The following DENND2B variants were observed in gnomAD, a reference collection of about 807,000 sequenced individuals.
DENND2B encodes DENN domain-containing protein 2B.
DENND2B carries 32 observed loss-of-function variants against 116.0 expected under a neutral mutation model. The ratio of observed to expected loss-of-function variants is 0.28; its 90% CI spans 0.21 to 0.37. The LOEUF (loss-of-function observed/expected upper bound fraction) is 0.37. Among genes scored for constraint, DENND2B ranks in the 10% least tolerant of loss-of-function variants. The pLI, the probability that DENND2B is intolerant of heterozygous loss-of-function variation, is 1.00. For missense variants in DENND2B, 1,276 were observed against 1,477.7 expected (o/e 0.86, Z 2.24); for synonymous variants, 588 against 583.9 (o/e 1.01, Z -0.10).
intron 4 of DENND2B, among the ~76,000 whole-genome samples, chr11:8,819,571 C>T (rs1378549327): frequency 6.6e-6 from 1 of 152,198 alleles, no homozygotes; most frequent in African/African-American, 2.4e-5. Flanking sequence ...CATAATGACA[C>T]CACGTACCCC....
At chr11:8,718,039 C>A in intron 4 of DENND2B, 147 bp from the exon 5 acceptor site, 2 of 815,628 alleles carry the variant, frequency 2.5e-6, no homozygotes, top group South Asian at 1.8e-5. Flanking sequence ...ATGCAGCTGC[C>A]CGTCTGCAGT....
In DENND2B at chr11:8,766,708, C is replaced by A. The variant is rs778708516; in HGVS notation, c.-25-15983G>T. The A allele has an allele frequency of 3.1e-6, 4 of 1,279,944 alleles. No homozygotes were observed. The South Asian group carries it at 5.0e-5, about 16-fold the overall frequency. The allele number at this position is 1,279,944 out of a possible 1,614,324, so 79.3% of individuals were successfully genotyped here. On this transcript the variant is annotated intron_variant, in intron 1 of 19. Transcript: ENST00000313726. ...CATTCTTCCTTGAAGTCATAATCCT[C>A]TGTTGGTGACATCACAGCTGTTGAT...
intron 1 of DENND2B, chr11:8,809,314 T>C (rs1048547280): frequency 6.6e-6 from 1 of 152,168 alleles, no homozygotes; most frequent in Admixed American, 6.5e-5. Flanking sequence ...GCCCCCTCAT[T>C]GTTTGCCAGA....
chr11:8,708,749 C>T (rs907238838), intron 11 of DENND2B, among the ~76,000 whole-genome samples: 3 of 152,086 alleles, frequency 2.0e-5, no homozygotes, highest in African/African-American at 7.2e-5. Context: ...GTTGGGAGTT[C>T]GAGACCAGCC....
chr11:8,847,509 C>A (rs1050657467), intron 3 of DENND2B, among the ~76,000 whole-genome samples: 17 of 152,172 alleles, frequency 1.1e-4, no homozygotes, highest in Admixed American at 1.1e-3. Flanking sequence ...AAAGAAAGAT[C>A]AGTAAACAGA....
chr11:8,758,881 G>A (rs577454654), intron 1 of DENND2B, among the ~76,000 whole-genome samples: 3 of 152,324 alleles, frequency 2.0e-5, no homozygotes, highest in South Asian at 4.1e-4. Flanking sequence ...TAGGAGGCAC[G>A]GCATTGGCAA....
At chr11:8,885,434 T>C (rs1482257079) in intron 1 of DENND2B, among the ~76,000 whole-genome samples, 1 of 150,338 alleles carries the variant, frequency 6.7e-6, no homozygotes, top group Non-Finnish European at 1.5e-5. Context: ...TTGCTCACAA[T>C]TAACTGTAGT....
intron 3 of DENND2B, among the ~76,000 whole-genome samples, chr11:8,854,011 A>G (rs200912969): frequency 9.9e-5 from 6 of 60,538 alleles, no homozygotes; most frequent in Admixed American, 3.7e-4. Flanking sequence ...ACCATGCCCC[A>G]GTTAATTTTT....
chr11:8,815,529 T>C (rs1014296843), upstream of DENND2B, among the ~76,000 whole-genome samples: 1 of 152,128 alleles, frequency 6.6e-6, no homozygotes, highest in Admixed American at 6.5e-5. Flanking sequence ...TGCATTTTCC[T>C]CTCCCTCCCT....
intron 4 of DENND2B, among the ~76,000 whole-genome samples, chr11:8,719,330 G>C (rs768996159): frequency 2.6e-5 from 4 of 152,210 alleles, no homozygotes; most frequent in Admixed American, 1.3e-4. Context: ...CAGAGTTAGG[G>C]TGTGGGTGTG....
At chr11:8,854,421 C>T (rs1394924548) in intron 3 of DENND2B, among the ~76,000 whole-genome samples, 1 of 151,556 alleles carries the variant, frequency 6.6e-6, no homozygotes, top group Non-Finnish European at 1.5e-5. Context: ...AGGCTGATCT[C>T]AAACTCCTGA....
At chr11:8,768,576 G>A (rs1324990241) in intron 1 of DENND2B, among the ~76,000 whole-genome samples, 1 of 152,136 alleles carries the variant, frequency 6.6e-6, no homozygotes, top group Admixed American at 6.6e-5. Context: ...TTTGTAAACT[G>A]GTCAGGAAAC....
intron 1 of DENND2B, among the ~76,000 whole-genome samples, chr11:8,883,072 A>G (rs1036010448): frequency 2.6e-5 from 4 of 152,238 alleles, no homozygotes; most frequent in African/African-American, 9.6e-5. Context: ...AGTAACTTGC[A>G]CAGAGTTACT....
In DENND2B at chr11:8,695,543, A is replaced by G; in HGVS notation, c.3299T>C (p.Phe1100Ser). 1 of 1,613,994 alleles carries G rather than the reference A, an allele frequency of 6.2e-7. No homozygotes were observed. Among genetic ancestry groups the G allele is most frequent in the Non-Finnish European group, 8.5e-7 (1 of 1,180,030 alleles). ...TAAGTACTGCTCCACTCGCTGCTCA[A>G]AAAGGCCTGGGTAAAAGAAACAGGC... ...ELRKCRAKGL[F>S]EQRVEQYLEE... Residue 1100 changes from phenylalanine (F) to serine (S), a missense_variant, in exon 19 of 20, where the codon TTT (phenylalanine) becomes TCT (serine). Phe to Ser is a radical substitution (Grantham distance 155). Coordinates refer to ENST00000313726, the MANE Select transcript of DENND2B (RefSeq NM_213618.2).
chr11:8,744,005 TC>T (rs1342570721), intron 2 of DENND2B, among the ~76,000 whole-genome samples: 1 of 151,970 alleles, frequency 6.6e-6, no homozygotes, highest in Non-Finnish European at 1.5e-5. Flanking sequence ...CACCTCAGCC[TC>T]CCAAAGTGCT....
intron 1 of DENND2B, among the ~76,000 whole-genome samples, chr11:8,778,173 T>C (rs1182540822): frequency 1.3e-5 from 2 of 152,176 alleles, no homozygotes; most frequent in African/African-American, 2.4e-5. Context: ...GAAGTTACCA[T>C]TGGCCCTTGG....
intron 1 of DENND2B, among the ~76,000 whole-genome samples, chr11:8,769,378 C>T (rs1375642513): frequency 2.0e-5 from 3 of 151,828 alleles, no homozygotes; most frequent in Non-Finnish European, 2.9e-5. Context: ...GCTGGGATGA[C>T]AGGCTCCCAT....
At chr11:8,734,791 CAAAAAAAAAAAA>C (rs11339783) in intron 2 of DENND2B, among the ~76,000 whole-genome samples, 1 of 98,536 alleles carries the variant, frequency 1.0e-5, no homozygotes, top group Non-Finnish European at 1.9e-5. Context: ...ACAAGAGTCT[CAAAAAAAAAAAA>C]AAAAAAAAGA....
At chr11:8,742,867 C>T (rs900354370) in intron 2 of DENND2B, among the ~76,000 whole-genome samples, 1 of 151,954 alleles carries the variant, frequency 6.6e-6, no homozygotes, top group Non-Finnish European at 1.5e-5. Flanking sequence ...GAGTTTGAGA[C>T]CAGCCTGACC....
Sources: allele counts gnomAD v4.1 joint callset (sites outside exome capture counted in the v4.1 genomes callset), GRCh38; gene constraint gnomAD v4.1.1; transcripts MANE v1.5; gene names NCBI Gene and HGNC (gene_info 2026-07-23, HGNC 2026-07-21).